Variants in PTPRD observed in about 807,000 individuals in gnomAD.
The protein encoded by PTPRD is receptor-type tyrosine-protein phosphatase delta.
Under a neutral mutation model 214.5 loss-of-function variants are expected in PTPRD, and 34 were observed. The observed-to-expected ratio is 0.16, with a 90% confidence interval of 0.12 to 0.21. PTPRD has a LOEUF of 0.21. Ranked by LOEUF, PTPRD falls within the 10% of genes least tolerant of loss-of-function variation. The pLI is 1.00. For synonymous variants in PTPRD, 1,128 were observed against 845.7 expected, an observed-to-expected ratio of 1.33 and a Z score of -5.79; for missense variants, 2,545 against 2,398.7, an observed-to-expected ratio of 1.06 and a Z score of -1.27.
chr9:9,777,127 C>A (rs1256743673), intron 5 of PTPRD, among the ~76,000 whole-genome samples: 1 of 152,136 alleles, frequency 6.6e-6, no homozygotes, highest in East Asian at 1.9e-4. Flanking sequence ...ATAGTAAGAA[C>A]ACTGGAAAGT....
At chr9:9,229,444 A>G (rs2099961698) in intron 9 of PTPRD, among the ~76,000 whole-genome samples, 1 of 152,142 alleles carries the variant, frequency 6.6e-6, no homozygotes, top group South Asian at 2.1e-4. Flanking sequence ...TGTGTGATGA[A>G]TAATCTGTAA....
At chr9:9,082,288 C>A (rs2099760416) in intron 10 of PTPRD, among the ~76,000 whole-genome samples, 1 of 152,120 alleles carries the variant, frequency 6.6e-6, no homozygotes, top group Non-Finnish European at 1.5e-5. Context: ...CCCTGGGACA[C>A]AAGGGTGGTT....
chr9:9,351,740 T>C (rs1403122309), intron 9 of PTPRD, among the ~76,000 whole-genome samples: 3 of 152,088 alleles, frequency 2.0e-5, no homozygotes, highest in African/African-American at 4.8e-5. Context: ...TGTATGTCTG[T>C]GCCAAAGATT....
intron 10 of PTPRD, among the ~76,000 whole-genome samples, chr9:9,179,759 C>G (rs1400936126): frequency 6.6e-6 from 1 of 151,982 alleles, no homozygotes; most frequent in Admixed American, 6.6e-5. Context: ...CAGGAACCAC[C>G]TTGAAATAAA....
chr9:10,464,376 AAGAAAGAG>A (rs913162967), intron 2 of PTPRD, among the ~76,000 whole-genome samples: 3 of 142,818 alleles, frequency 2.1e-5, no homozygotes, highest in African/African-American at 8.9e-5. Flanking sequence ...TGAGACACCA[AAGAAAGAG>A]AGAAAGAGAG....
chr9:9,586,941 T>G (rs559487635), intron 7 of PTPRD, among the ~76,000 whole-genome samples: 25 of 152,156 alleles, frequency 1.6e-4, no homozygotes, highest in African/African-American at 5.3e-4. Context: ...TCTATGTTCC[T>G]AAGTGTCATT....
chr9:8,973,493 C>G, intron 11 of PTPRD, among the ~76,000 whole-genome samples: 1 of 152,000 alleles, frequency 6.6e-6, no homozygotes, highest in East Asian at 1.9e-4. Flanking sequence ...GATTCCATGT[C>G]TTTGCCATTA....
At chr9:9,935,122 T>C (rs959357123) in intron 5 of PTPRD, among the ~76,000 whole-genome samples, 2 of 152,118 alleles carry the variant, frequency 1.3e-5, no homozygotes, top group African/African-American at 4.8e-5. Context: ...AATATCATAC[T>C]GAATGGGCAA....
chr9:10,389,777 G>A (rs965040314), intron 2 of PTPRD, among the ~76,000 whole-genome samples: 5 of 151,604 alleles, frequency 3.3e-5, no homozygotes, highest in Admixed American at 3.3e-4. Flanking sequence ...TTACAAACAT[G>A]CTTTCATATT....
At chr9:8,832,954 C>G (rs1275826330) in intron 11 of PTPRD, among the ~76,000 whole-genome samples, 2 of 152,076 alleles carry the variant, frequency 1.3e-5, no homozygotes, top group Admixed American at 1.3e-4. Context: ...ATCTACTCTT[C>G]ATTACCTAGA....
At chr9:8,883,879 G>T (rs1420291753) in intron 11 of PTPRD, among the ~76,000 whole-genome samples, 1 of 152,044 alleles carries the variant, frequency 6.6e-6, no homozygotes, top group African/African-American at 2.4e-5. Context: ...AAAATATCTG[G>T]GGATATACAT....
rs115077030 is a variant in PTPRD, at chr9:10,375,472, G to C, written c.-599-34455C>G. ...TCATTTCAGCCTCTTTATAGCAAGT[G>C]AGGAGAAGATATCTGAAATGTATTT... On this transcript the variant is annotated intron_variant, in intron 2 of 45. Transcript: ENST00000381196. Among the ~76,000 whole-genome samples, 1,027 of 152,066 alleles carry C rather than the reference G, an allele frequency of 6.8e-3. 7 individuals are homozygous for C. The highest frequency in any genetic ancestry group is 0.023 in the African/African-American group (967 of 41,532).
At chr9:10,171,902 G>A (rs1387021084) in intron 3 of PTPRD, among the ~76,000 whole-genome samples, 1 of 152,078 alleles carries the variant, frequency 6.6e-6, no homozygotes, top group African/African-American at 2.4e-5. Flanking sequence ...GGAATAGTAG[G>A]CAGTAGAAAG....
At chr9:9,024,278 T>C (rs932722388) in intron 10 of PTPRD, among the ~76,000 whole-genome samples, 1 of 151,686 alleles carries the variant, frequency 6.6e-6, no homozygotes, top group South Asian at 2.1e-4. Flanking sequence ...TTTTAAATTT[T>C]AATTTTATGG....
chr9:9,667,695 A>C (rs1438541254), intron 7 of PTPRD, among the ~76,000 whole-genome samples: 4 of 152,130 alleles, frequency 2.6e-5, no homozygotes, highest in Admixed American at 2.6e-4. Context: ...CATACTGCTG[A>C]ATGTTTAGAG....
At chr9:10,223,670 AAATAATAATAATAAT>A (rs67338126) in intron 3 of PTPRD, among the ~76,000 whole-genome samples, 55 of 134,350 alleles carry the variant, frequency 4.1e-4, no homozygotes, top group African/African-American at 1.1e-3. Flanking sequence ...ATTCTGTCTC[AAATAATAATAATAAT>A]AATAATAATA....
At chr9:10,207,887 T>C (rs1312601091) in intron 3 of PTPRD, among the ~76,000 whole-genome samples, 6 of 152,206 alleles carry the variant, frequency 3.9e-5, no homozygotes, top group Admixed American at 3.9e-4. Flanking sequence ...AAAACTAATT[T>C]TTAAAAAGGA....
chr9:9,906,968 C>A (rs1328437643), intron 5 of PTPRD, among the ~76,000 whole-genome samples: 2 of 151,842 alleles, frequency 1.3e-5, no homozygotes, highest in African/African-American at 2.4e-5. Context: ...GAAAAAGCAC[C>A]ACTGCCAAAA....
rs1825453299 is a variant in PTPRD, at chr9:8,319,725, C to T, written c.5670+106G>A. The T allele has an allele frequency of 2.9e-6, 4 of 1,371,472 alleles. No individual in the cohort carries two copies. The Admixed American group carries it at 9.5e-5, about 33-fold the overall frequency. The allele number at this position is 1,371,472 out of a possible 1,614,324, so 85.0% of individuals were successfully genotyped here. ...AAATTATTAAACAGTTTGATGCTTT[C>T]CCCACAGTATTTTGTGTCTGGTGTT... On this transcript the variant is annotated intron_variant, in intron 45 of 45. Coordinates refer to ENST00000381196, the MANE Select transcript of PTPRD (RefSeq NM_002839.4).
Sources: allele counts gnomAD v4.1 joint callset (sites outside exome capture counted in the v4.1 genomes callset), GRCh38; gene constraint gnomAD v4.1.1; transcripts MANE v1.5; gene names NCBI Gene and HGNC (gene_info 2026-07-23, HGNC 2026-07-21).